The following EPC2 variants were observed in gnomAD, a reference collection of about 807,000 sequenced individuals.
EPC2 encodes enhancer of polycomb 2.
In EPC2, 14 loss-of-function variants were observed where a neutral mutation model predicts 92.1. The observed-to-expected ratio is 0.15, with a 90% confidence interval of 0.10 to 0.24. The LOEUF (loss-of-function observed/expected upper bound fraction) is 0.24, where lower values mean the gene tolerates loss of function less well. Ranked by LOEUF, EPC2 falls within the 10% of genes least tolerant of loss-of-function variation. EPC2 has a pLI of 1.00. For missense variants in EPC2, 755 were observed against 971.5 expected (o/e 0.78, Z 2.96); for synonymous variants, 340 against 334.7 (o/e 1.02, Z -0.17).
At chr2:148,694,929 C>T (rs1346251524) in intron 2 of EPC2, among the ~76,000 whole-genome samples, 1 of 152,122 alleles carries the variant, frequency 6.6e-6, no homozygotes, top group Non-Finnish European at 1.5e-5. Context: ...CGTGCCACCA[C>T]GCCCGGCTAA....
intron 2 of EPC2, among the ~76,000 whole-genome samples, chr2:148,703,417 A>G (rs1317729819): frequency 6.8e-6 from 1 of 147,116 alleles, no homozygotes; most frequent in African/African-American, 2.5e-5. Context: ...GTTTTTAGTT[A>G]TATTGTATCA....
chr2:148,696,140 A>T (rs540670342), intron 2 of EPC2, among the ~76,000 whole-genome samples: 3 of 152,350 alleles, frequency 2.0e-5, no homozygotes, highest in Non-Finnish European at 4.4e-5. Context: ...AAGCCTCCAA[A>T]CCTAGAAGAT....
chr2:148,707,921 C>T (rs1016868659), intron 2 of EPC2, among the ~76,000 whole-genome samples: 1 of 152,202 alleles, frequency 6.6e-6, no homozygotes, highest in Non-Finnish European at 1.5e-5. Context: ...GACACCCTAA[C>T]ATCACAATTA....
intron 2 of EPC2, among the ~76,000 whole-genome samples, chr2:148,718,116 A>G (rs1682294896): frequency 6.7e-6 from 1 of 149,474 alleles, no homozygotes; most frequent in Admixed American, 6.6e-5. Context: ...CAGTCTCTTT[A>G]TTTTGAGTCT....
intron 2 of EPC2, among the ~76,000 whole-genome samples, chr2:148,719,150 A>G (rs1682319047): frequency 6.6e-6 from 1 of 152,044 alleles, no homozygotes; most frequent in South Asian, 2.1e-4. Flanking sequence ...TATAGTTTTA[A>G]CATGATACTT....
At chr2:148,685,163 A>C (rs981821835) in intron 1 of EPC2, among the ~76,000 whole-genome samples, 7 of 152,120 alleles carry the variant, frequency 4.6e-5, no homozygotes, top group African/African-American at 1.7e-4. Context: ...AAAATAACAT[A>C]CTATTTTGTC....
intron 4 of EPC2, among the ~76,000 whole-genome samples, chr2:148,759,181 C>G (rs970320055): frequency 1.2e-4 from 18 of 152,318 alleles, no homozygotes; most frequent in Admixed American, 5.2e-4. Flanking sequence ...CAACCTCTAC[C>G]TCCTGGGATC....
At position 148,651,552 on chromosome 2, in the gene EPC2, C is replaced by G. The variant is rs115821757; in HGVS notation, c.153+6382C>G. On this transcript the variant is annotated intron_variant, in intron 1 of 13. Transcript: ENST00000258484. ...TTATAGGCAGTTTTGAATGTTAGGC[C>G]TAGGAGTTTGTAGGGTGGTATAGAT... Among the ~76,000 whole-genome samples, 1,085 of 151,904 alleles carry G rather than the reference C, an allele frequency of 7.1e-3. 6 individuals are homozygous for G. Among genetic ancestry groups the G allele is most frequent in the African/African-American group, 0.025 (1,019 of 41,408 alleles).
At chr2:148,761,612 T>C (rs747815158) in intron 4 of EPC2, among the ~76,000 whole-genome samples, 170 bp from the exon 5 acceptor site, 12 of 152,200 alleles carry the variant, frequency 7.9e-5, no homozygotes, top group East Asian at 1.9e-4. Context: ...CTTGTACTTA[T>C]ATTTTCAGAG....
chr2:148,762,628 A>G, intron 5 of EPC2, 42 bp from the exon 6 acceptor site: 15 of 1,425,850 alleles, frequency 1.1e-5, no homozygotes, highest in Non-Finnish European at 1.3e-5. Flanking sequence ...CTTTATTGTC[A>G]AACTATGCAA....
intron 10 of EPC2, among the ~76,000 whole-genome samples, chr2:148,775,846 C>T (rs1298179892): frequency 6.1e-5 from 8 of 131,644 alleles, no homozygotes; most frequent in South Asian, 2.3e-4. Flanking sequence ...GGCACGATCT[C>T]GGCTCACTGC....
chr2:148,770,772 T>G lies in EPC2; in HGVS notation c.1231-20T>G. 6.3e-7 allele frequency: 1 copy of G among 1,589,272 alleles called. No homozygotes were observed. Among genetic ancestry groups the G allele is most frequent in the Non-Finnish European group, 8.5e-7 (1 of 1,173,032 alleles). On this transcript the variant is annotated intron_variant, in intron 8 of 13. Transcript: ENST00000258484. ...TTTACTCCATGAGTTTTTTGTTTTT[T>G]GTTTTTTCTTTCTTTGCAGCCTCGT...
rs375670808 is a variant in EPC2, at chr2:148,761,082, T to C, written c.667-700T>C. ...GCAAATAGATGCTACTAATTACAACTGAGCCTTTTCTAGTTATGTAGCAGG... is the reference window on the plus strand; with the variant it reads ...GCAAATAGATGCTACTAATTACAACCGAGCCTTTTCTAGTTATGTAGCAGG... On this transcript the variant is annotated intron_variant, in intron 4 of 13. Transcript: ENST00000258484. Among the ~76,000 whole-genome samples the C allele has an allele frequency of 1.1e-4, 16 of 152,356 alleles. No individual in the cohort carries two copies. In the East Asian group the frequency reaches 1.2e-3, roughly 11 times the overall value.
intron 2 of EPC2, among the ~76,000 whole-genome samples, chr2:148,708,848 A>G (rs569689699): frequency 1.4e-4 from 21 of 152,182 alleles, no homozygotes; most frequent in Non-Finnish European, 2.8e-4. Flanking sequence ...CATATCTCAA[A>G]ATAGTAAGAG....
At chr2:148,707,228 A>G (rs1047100026) in intron 2 of EPC2, among the ~76,000 whole-genome samples, 1 of 152,228 alleles carries the variant, frequency 6.6e-6, no homozygotes, top group Non-Finnish European at 1.5e-5. Context: ...CTTCATACCA[A>G]CAAAGATCAA....
rs1683305469 is a variant in EPC2 at position 148,761,864 on chromosome 2, T to C, written c.749T>C (p.Met250Thr). ...EFSRAITILE[M>T]IKRREKTKRE... ...AGTAGAGCCATAACAATTTTGGAAA[T>C]GATTAAGAGAAGAGAGAAAACAAAA... The change falls in exon 5 of 14, where the codon ATG becomes ACG. Residue 250 changes from methionine to threonine, a missense_variant. Met to Thr is a moderately conservative substitution (Grantham distance 81). Around this residue, in one of 4 missense-constraint regions of EPC2, gnomAD observed 509 missense variants for 607.7 expected, o/e 0.84. Coordinates refer to ENST00000258484, the MANE Select transcript of EPC2 (RefSeq NM_015630.4). 6.3e-7 allele frequency: 1 copy of C among 1,595,956 alleles called. No individual in the cohort carries two copies. The highest frequency in any genetic ancestry group is 1.4e-5 in the African/African-American group (1 of 73,974).
chr2:148,749,410 C>T (rs182598066), intron 3 of EPC2, among the ~76,000 whole-genome samples: 36 of 151,790 alleles, frequency 2.4e-4, no homozygotes, highest in Admixed American at 2.0e-3. Context: ...TACATGTTCT[C>T]AACCTTCATT....
chr2:148,709,945 T>C (rs1478172270), intron 2 of EPC2, among the ~76,000 whole-genome samples: 2 of 152,108 alleles, frequency 1.3e-5, no homozygotes, highest in Non-Finnish European at 1.5e-5. Flanking sequence ...GGACAAGGAA[T>C]TCATGACTAA....
chr2:148,689,639 T>C (rs1269831559), intron 1 of EPC2, among the ~76,000 whole-genome samples: 2 of 152,192 alleles, frequency 1.3e-5, no homozygotes, highest in Non-Finnish European at 2.9e-5. Context: ...TTTAGGAGGC[T>C]ATTTCAGTAA....
Sources: allele counts gnomAD v4.1 joint callset (sites outside exome capture counted in the v4.1 genomes callset), GRCh38; gene constraint gnomAD v4.1.1; regional missense constraint gnomAD v4.1.1; transcripts MANE v1.5; gene names NCBI Gene and HGNC (gene_info 2026-07-23, HGNC 2026-07-21).